The following CDH13 variants were observed in gnomAD, a reference collection of about 807,000 sequenced individuals.
CDH13 encodes the protein cadherin 13.
CDH13 carries 24 observed loss-of-function variants against 63.8 expected under a neutral mutation model. That is an observed-to-expected ratio of 0.38 (90% confidence interval 0.27 to 0.53). The LOEUF (loss-of-function observed/expected upper bound fraction) is 0.53. Ranked by LOEUF, CDH13 falls within the 20% of genes least tolerant of loss-of-function variation. CDH13 has a pLI of 0.85. For missense variants in CDH13, 1,049 were observed against 903.1 expected (o/e 1.16, Z -2.07); for synonymous variants, 503 against 355.3 (o/e 1.42, Z -4.67).
intron 7 of CDH13, among the ~76,000 whole-genome samples, chr16:83,511,622 T>A (rs1836042398): frequency 1.3e-5 from 2 of 152,202 alleles, no homozygotes; most frequent in Admixed American, 1.3e-4. Context: ...TTTATTATGC[T>A]TGTCTCACTA....
intron 2 of CDH13, among the ~76,000 whole-genome samples, chr16:82,999,505 C>A (rs1256752372): frequency 1.3e-5 from 2 of 151,670 alleles, no homozygotes; most frequent in Non-Finnish European, 2.9e-5. Context: ...TACCAAGATA[C>A]GTGTTCAAGG....
At chr16:83,561,284 TAAA>T (rs35203238) in intron 7 of CDH13, among the ~76,000 whole-genome samples, 1 of 145,136 alleles carries the variant, frequency 6.9e-6, no homozygotes, top group East Asian at 2.0e-4. Flanking sequence ...CCATCTCTAC[TAAA>T]AAAAAAAAAT....
chr16:83,567,830 C>T (rs866760971), intron 7 of CDH13, among the ~76,000 whole-genome samples: 9 of 152,242 alleles, frequency 5.9e-5, no homozygotes, highest in African/African-American at 1.9e-4. Flanking sequence ...CTCCTGACCT[C>T]GTGATCCACC....
chr16:82,702,377 C>T (rs1259752512), intron 1 of CDH13, among the ~76,000 whole-genome samples: 1 of 152,182 alleles, frequency 6.6e-6, no homozygotes, highest in African/African-American at 2.4e-5. Context: ...ATGATCCCAC[C>T]TCCCCTGCTA....
chr16:82,898,168 C>T (rs1180935607), intron 2 of CDH13, among the ~76,000 whole-genome samples: 1 of 152,122 alleles, frequency 6.6e-6, no homozygotes, highest in Non-Finnish European at 1.5e-5. Flanking sequence ...TTAAACGAAA[C>T]ATATTGTTAA....
intron 11 of CDH13, among the ~76,000 whole-genome samples, chr16:83,762,341 G>C (rs1374943387): frequency 2.0e-5 from 3 of 151,950 alleles, no homozygotes; most frequent in African/African-American, 7.2e-5. Flanking sequence ...TTTTATGGAA[G>C]ACTTCAATGA....
intron 1 of CDH13, among the ~76,000 whole-genome samples, chr16:82,685,291 C>A (rs12051052): frequency 6.6e-6 from 1 of 152,124 alleles, no homozygotes; most frequent in Non-Finnish European, 1.5e-5. Flanking sequence ...GGTGAGGTCC[C>A]GCTTTCCTCA....
At chr16:83,305,524 C>T (rs1190600045) in intron 5 of CDH13, among the ~76,000 whole-genome samples, 2 of 152,114 alleles carry the variant, frequency 1.3e-5, no homozygotes, top group East Asian at 3.9e-4. Context: ...CTTTGTACAG[C>T]GTTGCGGTAT....
chr16:83,438,442 C>T (rs569865039), intron 6 of CDH13, among the ~76,000 whole-genome samples: 1 of 152,194 alleles, frequency 6.6e-6, no homozygotes, highest in African/African-American at 2.4e-5. Flanking sequence ...ATGGCACAGA[C>T]AATAGCACCT....
chr16:83,338,146 T>A (rs1368763889), intron 5 of CDH13, among the ~76,000 whole-genome samples: 2 of 147,868 alleles, frequency 1.4e-5, no homozygotes, highest in African/African-American at 5.0e-5. Context: ...AGGCCAGACC[T>A]GTATGGGACA....
intron 6 of CDH13, among the ~76,000 whole-genome samples, chr16:83,419,750 C>G (rs2071660114): frequency 6.6e-6 from 1 of 152,198 alleles, no homozygotes; most frequent in African/African-American, 2.4e-5. Context: ...TGGTTATATA[C>G]TATGAAATAT....
intron 1 of CDH13, among the ~76,000 whole-genome samples, chr16:82,674,883 T>C (rs747002024): frequency 6.6e-6 from 1 of 152,198 alleles, no homozygotes; most frequent in Non-Finnish European, 1.5e-5. Flanking sequence ...AATGTGGCAA[T>C]AATTGCATTG....
At chr16:83,155,341 G>A (rs1477146246) in intron 4 of CDH13, among the ~76,000 whole-genome samples, 2 of 152,134 alleles carry the variant, frequency 1.3e-5, no homozygotes, top group African/African-American at 4.8e-5. Flanking sequence ...CCCTTAAATG[G>A]CCCTTAAATT....
intron 2 of CDH13, among the ~76,000 whole-genome samples, chr16:82,965,128 G>A (rs1468666729): frequency 6.6e-6 from 1 of 152,196 alleles, no homozygotes; most frequent in African/African-American, 2.4e-5. Context: ...GAATACTGTT[G>A]TCTCACATTC....
At chr16:82,629,469 GA>G (rs1041670953) in intron 1 of CDH13, among the ~76,000 whole-genome samples, 18 of 152,146 alleles carry the variant, frequency 1.2e-4, no homozygotes, top group African/African-American at 3.6e-4. Flanking sequence ...GTGTGCCATA[GA>G]AAAAAGTGGG....
chr16:83,057,419 C>A (rs142348048), intron 3 of CDH13, among the ~76,000 whole-genome samples: 78 of 151,732 alleles, frequency 5.1e-4, no homozygotes, highest in African/African-American at 1.8e-3. Context: ...TGTGTTCACT[C>A]AAAAAAAATT....
chr16:83,367,784 G>A (rs1567621198), intron 6 of CDH13, among the ~76,000 whole-genome samples: 1 of 151,932 alleles, frequency 6.6e-6, no homozygotes, highest in African/African-American at 2.4e-5. Context: ...TATAAATTTT[G>A]AAATCAACGT....
At chr16:83,748,784 A>G (rs1295114858) in intron 11 of CDH13, among the ~76,000 whole-genome samples, 1 of 152,212 alleles carries the variant, frequency 6.6e-6, no homozygotes, top group Non-Finnish European at 1.5e-5. Flanking sequence ...CCCTGATTAG[A>G]TGCTGGGGGC....
chr16:83,058,391 C>T (rs1219524205), intron 3 of CDH13, among the ~76,000 whole-genome samples: 2 of 152,232 alleles, frequency 1.3e-5, no homozygotes, highest in African/African-American at 4.8e-5. Flanking sequence ...GTTTGTTCTT[C>T]TCTGGCGGTT....
Sources: allele counts gnomAD v4.1 joint callset (sites outside exome capture counted in the v4.1 genomes callset), GRCh38; gene constraint gnomAD v4.1.1; transcripts MANE v1.5; gene names NCBI Gene and HGNC (gene_info 2026-07-23, HGNC 2026-07-21).